The following KCNQ3 variants were observed in gnomAD, a reference collection of about 807,000 sequenced individuals.
KCNQ3 encodes potassium voltage-gated channel subfamily KQT member 3.
KCNQ3 carries 30 observed loss-of-function variants against 92.5 expected under a neutral mutation model. The ratio of observed to expected loss-of-function variants is 0.32; its 90% CI spans 0.24 to 0.44. The LOEUF (loss-of-function observed/expected upper bound fraction) is 0.44. KCNQ3 is among the 20% of genes least tolerant of loss of function. The pLI is 1.00. For missense variants in KCNQ3, 913 were observed against 1,140.3 expected, an observed-to-expected ratio of 0.80 and a Z score of 2.87; for synonymous variants, 450 against 468.8, an observed-to-expected ratio of 0.96 and a Z score of 0.52.
At chr8:132,256,909 C>T (rs1036155969) in intron 1 of KCNQ3, among the ~76,000 whole-genome samples, 1 of 152,072 alleles carries the variant, frequency 6.6e-6, no homozygotes, top group Non-Finnish European at 1.5e-5. Flanking sequence ...GACAGTAAAT[C>T]AAATCCACAT....
At chr8:132,203,227 C>T (rs1226694861) in intron 1 of KCNQ3, among the ~76,000 whole-genome samples, 2 of 152,172 alleles carry the variant, frequency 1.3e-5, no homozygotes, top group South Asian at 2.1e-4. Context: ...ACTGTTGCAT[C>T]GGGGAGTAAG....
intron 1 of KCNQ3, among the ~76,000 whole-genome samples, chr8:132,353,668 G>A (rs956542509): frequency 3.3e-5 from 5 of 152,062 alleles, no homozygotes; most frequent in African/African-American, 4.8e-5. Context: ...ACAAAAATTA[G>A]CTGGGCGTGG....
chr8:132,231,459 G>A (rs1288979624), intron 1 of KCNQ3, among the ~76,000 whole-genome samples: 1 of 152,178 alleles, frequency 6.6e-6, no homozygotes, highest in South Asian at 2.1e-4. Context: ...TAAATATAGG[G>A]ATTTGGGGGG....
intron 1 of KCNQ3, among the ~76,000 whole-genome samples, chr8:132,378,185 G>C (rs1819660425): frequency 6.6e-6 from 1 of 152,088 alleles, no homozygotes; most frequent in South Asian, 2.1e-4. Context: ...TTGGAGGTTT[G>C]GAGTTTGAGA....
At chr8:132,427,299 G>A (rs956434659) in intron 1 of KCNQ3, among the ~76,000 whole-genome samples, 2 of 152,254 alleles carry the variant, frequency 1.3e-5, no homozygotes, top group Admixed American at 6.5e-5. Context: ...TCTCCTTCTA[G>A]GCACCTCAGT....
Position 132,480,407 on chromosome 8 carries a change from T to C in KCNQ3, c.126A>G (p.Lys42=), listed in dbSNP as rs1822522206. Reference sequence around the variant, plus strand: ...CCACGTCGCCGGGCGCCAGCCCCACTTTCCGCTCCTCGTCGCCGGCCGCCG... The same window carrying C: ...CCACGTCGCCGGGCGCCAGCCCCACCTTCCGCTCCTCGTCGCCGGCCGCCG... ...DAAAAGDEER[K]VGLAPGDVEQ... Residue 42 remains lysine, a synonymous_variant, in exon 1 of 15, where the codon AAA becomes AAG. Transcript: ENST00000388996. 1 of 1,515,960 alleles carries C rather than the reference T, an allele frequency of 6.6e-7. No individual in the cohort carries two copies. Among genetic ancestry groups the C allele is most frequent in the South Asian group, 1.3e-5 (1 of 79,950 alleles). 93.9% of individuals were successfully genotyped at this position (1,515,960 alleles called of 1,614,324 possible). A position where few individuals can be genotyped will look rare whatever the true frequency, so the allele number is the denominator to read the frequency against.
At position 132,172,760 on chromosome 8, in the gene KCNQ3, C is replaced by T. The variant is rs142234897; in HGVS notation, c.1045-67G>A. 2.4e-3 allele frequency: 2,753 copies of T among 1,157,352 alleles called. 58 individuals are homozygous for T. The African/African-American group carries it at 0.037, about 16-fold the overall frequency. 71.7% of individuals were successfully genotyped at this position (1,157,352 alleles called of 1,614,324 possible). A position where few individuals can be genotyped will look rare whatever the true frequency, so the allele number is the denominator to read the frequency against. ...TGTCCCAGCATTCCCGCTCCATTGCCAGGGTAATGGGGACTGTAGGGCTCA... is the reference window on the plus strand; with the variant it reads ...TGTCCCAGCATTCCCGCTCCATTGCTAGGGTAATGGGGACTGTAGGGCTCA... On this transcript the variant is annotated intron_variant, in intron 6 of 14. Transcript: ENST00000388996.
intron 1 of KCNQ3, among the ~76,000 whole-genome samples, chr8:132,425,875 C>T (rs1821095909): frequency 6.6e-6 from 1 of 152,202 alleles, no homozygotes; most frequent in Non-Finnish European, 1.5e-5. Context: ...GACTGGTTAC[C>T]TCATTCTCTG....
chr8:132,240,099 A>G (rs976899845), intron 1 of KCNQ3, among the ~76,000 whole-genome samples: 1 of 151,704 alleles, frequency 6.6e-6, no homozygotes, highest in Non-Finnish European at 1.5e-5. Flanking sequence ...CAGGAACGCT[A>G]TCTTCACTAC....
intron 1 of KCNQ3, among the ~76,000 whole-genome samples, chr8:132,377,026 C>A (rs138256895): frequency 6.6e-6 from 1 of 152,334 alleles, no homozygotes; most frequent in African/African-American, 2.4e-5. Context: ...TTTCATGCGA[C>A]AGCTTGATTG....
At chr8:132,450,173 G>A (rs946443014) in intron 1 of KCNQ3, among the ~76,000 whole-genome samples, 1 of 152,152 alleles carries the variant, frequency 6.6e-6, no homozygotes, top group Admixed American at 6.5e-5. Flanking sequence ...ACTGCTGGCT[G>A]GGGTGGCCAG....
intron 1 of KCNQ3, among the ~76,000 whole-genome samples, chr8:132,199,980 A>G (rs2130253911): frequency 6.6e-6 from 1 of 152,244 alleles, no homozygotes; most frequent in Admixed American, 6.5e-5. Context: ...GGCACTTATC[A>G]AATGCTAGTT....
rs748339269 is a variant in KCNQ3, at chr8:132,480,579, G to A, written c.-47C>T. 2.4e-6 allele frequency: 3 copies of A among 1,253,804 alleles called. No homozygotes were observed. Among genetic ancestry groups the A allele is most frequent in the Non-Finnish European group, 3.1e-6 (3 of 976,124 alleles). 77.7% of individuals were successfully genotyped at this position (1,253,804 alleles called of 1,614,324 possible). A position where few individuals can be genotyped will look rare whatever the true frequency, so the allele number is the denominator to read the frequency against. Reference sequence around the variant, plus strand: ...CTTCGCCTTCTCCGCTGCTGCTCTGGGAAGAAGGGGCGCTCGGGGTGCGTG... The same window carrying A: ...CTTCGCCTTCTCCGCTGCTGCTCTGAGAAGAAGGGGCGCTCGGGGTGCGTG... On this transcript the variant is annotated 5_prime_UTR_variant, in exon 1 of 15. Transcript: ENST00000388996.
At chr8:132,185,469 G>A (rs537574720) in intron 2 of KCNQ3, among the ~76,000 whole-genome samples, 1 of 152,372 alleles carries the variant, frequency 6.6e-6, no homozygotes, top group African/African-American at 2.4e-5. Flanking sequence ...CTGAGACTGG[G>A]CCCAGCCCAT....
chr8:132,273,665 A>T (rs1486293335), intron 1 of KCNQ3, among the ~76,000 whole-genome samples: 1 of 152,108 alleles, frequency 6.6e-6, no homozygotes, highest in Non-Finnish European at 1.5e-5. Flanking sequence ...AAATTTTCCA[A>T]ACTTTTATGC....
chr8:132,154,275 C>CTGGGATTTT (rs1434024422), intron 9 of KCNQ3, among the ~76,000 whole-genome samples: 2 of 140,184 alleles, frequency 1.4e-5, no homozygotes, highest in Non-Finnish European at 3.0e-5. Context: ...GTAAAAGCCC[C>CTGGGATTTT]TGGGATTTTT....
At chr8:132,368,090 G>A (rs1819373740) in intron 1 of KCNQ3, among the ~76,000 whole-genome samples, 1 of 152,176 alleles carries the variant, frequency 6.6e-6, no homozygotes, top group Admixed American at 6.5e-5. Flanking sequence ...ACTAAGTACA[G>A]TAAGTTCTCA....
intron 1 of KCNQ3, among the ~76,000 whole-genome samples, chr8:132,282,895 A>G (rs1029887046): frequency 6.6e-6 from 1 of 152,146 alleles, no homozygotes; most frequent in African/African-American, 2.4e-5. Flanking sequence ...GGTCCCAACA[A>G]AGTGTGGTGA....
chr8:132,252,181 G>A (rs1363889486), intron 1 of KCNQ3, among the ~76,000 whole-genome samples: 2 of 151,988 alleles, frequency 1.3e-5, no homozygotes, highest in South Asian at 2.1e-4. Flanking sequence ...GTTCCTTCTG[G>A]TCGGTTCTTG....
Sources: gnomAD v4.1 joint callset for allele counts (sites outside exome capture counted in the v4.1 genomes callset) on GRCh38, gnomAD v4.1.1 for gene constraint, MANE v1.5 for transcripts, NCBI Gene and HGNC (gene_info 2026-07-23, HGNC 2026-07-21) for gene names.